Variants in BCLAF3 observed in about 807,000 individuals in gnomAD.
BCLAF3 encodes the protein BCLAF1 and THRAP3 family member 3.
In BCLAF3, 24 loss-of-function variants were observed where a neutral mutation model predicts 51.2. The ratio of observed to expected loss-of-function variants is 0.47; its 90% CI spans 0.34 to 0.66. The LOEUF (loss-of-function observed/expected upper bound fraction) is 0.66, where lower values mean the gene tolerates loss of function less well. BCLAF3 is among the 30% of genes least tolerant of loss of function. The pLI, the probability that BCLAF3 is intolerant of heterozygous loss-of-function variation, is 0.01. For synonymous variants in BCLAF3, 152 were observed against 176.6 expected (o/e 0.86, Z 1.10); for missense variants, 465 against 525.1 (o/e 0.89, Z 1.12).
chrX:19,968,444 T>G (rs1002381971), intron 2 of BCLAF3, among the ~76,000 whole-genome samples: 1 of 112,921 alleles, frequency 8.9e-6, no homozygotes, highest in African/African-American at 3.2e-5. Context: ...GATGGGTTTA[T>G]CTGCAGCCCC....
chrX:19,961,005 C>G (rs767007179), intron 4 of BCLAF3, among the ~76,000 whole-genome samples: 1 of 111,933 alleles, frequency 8.9e-6, no homozygotes, highest in African/African-American at 3.2e-5. Flanking sequence ...AGTCTCTGAT[C>G]CATCAGCAGC....
intron 10 of BCLAF3, among the ~76,000 whole-genome samples, chrX:19,930,960 T>C (rs1165501768): frequency 8.8e-6 from 1 of 113,002 alleles, no homozygotes; most frequent in Non-Finnish European, 1.9e-5. Flanking sequence ...TAGTGAAATG[T>C]ATCAAACCCC....
intron 4 of BCLAF3, among the ~76,000 whole-genome samples, chrX:19,962,868 T>G (rs1311355661): frequency 9.0e-6 from 1 of 110,979 alleles, no homozygotes; most frequent in Non-Finnish European, 1.9e-5. Context: ...GAGGATCACA[T>G]GAGGTCATGA....
At chrX:19,945,248 T>A (rs775773415) in intron 8 of BCLAF3, among the ~76,000 whole-genome samples, 3 of 108,949 alleles carry the variant, frequency 2.8e-5, no homozygotes, top group Non-Finnish European at 5.7e-5. Context: ...AGTAATTTGA[T>A]CGTCTGAAGC....
chrX:19,984,666 G>T (rs760293353), intron 1 of BCLAF3, among the ~76,000 whole-genome samples: 26 of 111,146 alleles, frequency 2.3e-4, no homozygotes, highest in African/African-American at 7.8e-4. Flanking sequence ...GCAACTCCTG[G>T]GTATTTTAGA....
intron 2 of BCLAF3, among the ~76,000 whole-genome samples, chrX:19,967,269 G>C (rs1333561675): frequency 8.9e-6 from 1 of 111,776 alleles, no homozygotes; most frequent in Non-Finnish European, 1.9e-5. Context: ...GGAAAAGGGG[G>C]AACAAGAGGC....
At chrX:19,941,738 T>C (rs2071059026) in intron 8 of BCLAF3, among the ~76,000 whole-genome samples, 1 of 106,592 alleles carries the variant, frequency 9.4e-6, no homozygotes. Context: ...TAGCTTAGGA[T>C]TGACTTGGCC....
At chrX:19,933,411 T>C (rs910566907) in intron 10 of BCLAF3, among the ~76,000 whole-genome samples, 2 of 112,304 alleles carry the variant, frequency 1.8e-5, no homozygotes, top group Non-Finnish European at 3.8e-5. Context: ...ATGAGCCATA[T>C]TGGGAAAACA....
intron 10 of BCLAF3, among the ~76,000 whole-genome samples, chrX:19,931,022 C>CTT (rs1439455503): frequency 8.9e-6 from 1 of 112,326 alleles, no homozygotes; most frequent in Non-Finnish European, 1.9e-5. Context: ...ATCAAAAACT[C>CTT]TTTTAACTTT....
chrX:19,939,466 G>A (rs907569466), intron 8 of BCLAF3, among the ~76,000 whole-genome samples: 10 of 111,758 alleles, frequency 8.9e-5, no homozygotes, highest in Non-Finnish European at 1.5e-4. Flanking sequence ...GATTTGAATA[G>A]AAATTTCTCC....
chrX:19,956,291 A>G (rs2071661006), intron 4 of BCLAF3, among the ~76,000 whole-genome samples: 1 of 111,878 alleles, frequency 8.9e-6, no homozygotes, highest in African/African-American at 3.3e-5. Flanking sequence ...AAGTACTTTT[A>G]CAAACTAATG....
intron 1 of BCLAF3, among the ~76,000 whole-genome samples, chrX:19,989,923 T>TA (rs921955948): frequency 8.1e-5 from 9 of 110,925 alleles, no homozygotes; most frequent in Non-Finnish European, 1.1e-4. Flanking sequence ...AGTAGCCATT[T>TA]AAAAAAAACA....
chrX:19,970,835 T>C (rs1020192697), intron 1 of BCLAF3, among the ~76,000 whole-genome samples: 4 of 111,552 alleles, frequency 3.6e-5, no homozygotes, highest in African/African-American at 1.3e-4. Flanking sequence ...TCAAATGCAT[T>C]GTAGTTTAAT....
At chrX:19,980,315 T>C (rs868143478) in intron 1 of BCLAF3, among the ~76,000 whole-genome samples, 32 of 111,850 alleles carry the variant, frequency 2.9e-4, no homozygotes, top group African/African-American at 9.1e-4. Context: ...GATTATGAGA[T>C]TTTTCAAAAA....
chrX:19,958,785 C>T (rs1324247471), intron 4 of BCLAF3, among the ~76,000 whole-genome samples: 1 of 112,456 alleles, frequency 8.9e-6, no homozygotes, highest in Non-Finnish European at 1.9e-5. Flanking sequence ...TTTCTCAGAA[C>T]GTATCCCCAT....
Position 19,965,630 on chromosome X carries a change from T to C in BCLAF3, c.688A>G (p.Arg230Gly). 2 of 1,165,939 alleles carry C rather than the reference T, an allele frequency of 1.7e-6. No homozygotes were observed. The highest frequency in any genetic ancestry group is 1.1e-6 in the Non-Finnish European group (1 of 876,435). Reference sequence around the variant, plus strand: ...CACTTTGGGTTCCTGGCAGGCTCTCTGCTTTCATACCTCTCCACGTCTTTA... The same window carrying C: ...CACTTTGGGTTCCTGGCAGGCTCTCCGCTTTCATACCTCTCCACGTCTTTA... ...RPKDVERYES[R>G]EPARNPKWKP... The change falls in exon 4 of 12, where the codon AGA becomes GGA. Residue 230 changes from arginine to glycine, a missense_variant. Physicochemically the swap from Arg to Gly is moderately radical, Grantham distance 125. Transcript: ENST00000379682.
Position 19,953,762 on chromosome X carries a change from G to A in BCLAF3, c.1565+16C>T. 4.4e-6 allele frequency: 5 copies of A among 1,147,855 alleles called. No individual in the cohort carries two copies. The highest frequency in any genetic ancestry group is 5.9e-6 in the Non-Finnish European group (5 of 841,689). The allele number at this position is 1,147,855 out of a possible 1,213,427, so 94.6% of individuals were successfully genotyped here. On this transcript the variant is annotated intron_variant, in intron 6 of 11. Coordinates refer to ENST00000379682, the MANE Select transcript of BCLAF3 (RefSeq NM_001367774.2). ...CCCATTAGTTAAATGGGTATAATAT[G>A]GTAATCAATCATTACCTGTGTATTT...
intron 1 of BCLAF3, among the ~76,000 whole-genome samples, chrX:19,981,951 G>A (rs140668179): frequency 9.0e-6 from 1 of 111,160 alleles, no homozygotes; most frequent in East Asian, 2.8e-4. Context: ...ATTAGACTGT[G>A]GTGATGGTTG....
At chrX:19,940,276 ATTT>A (rs200568773) in intron 8 of BCLAF3, among the ~76,000 whole-genome samples, 2,111 of 101,375 alleles carry the variant, frequency 0.021, 57 homozygotes, top group African/African-American at 0.072. Flanking sequence ...TTATTTATTT[ATTT>A]TTTTTTTTTT....
Sources: allele counts gnomAD v4.1 joint callset (sites outside exome capture counted in the v4.1 genomes callset), GRCh38; gene constraint gnomAD v4.1.1; transcripts MANE v1.5; gene names NCBI Gene and HGNC (gene_info 2026-07-23, HGNC 2026-07-21).